Variants in PLEKHA6 observed in about 807,000 individuals in gnomAD.
PLEKHA6 encodes pleckstrin homology domain-containing family A member 6.
Under a neutral mutation model 116.7 loss-of-function variants are expected in PLEKHA6, and 60 were observed. That is an observed-to-expected ratio of 0.51 (90% CI 0.42 to 0.64). The LOEUF (loss-of-function observed/expected upper bound fraction) is 0.64. Among genes scored for constraint, PLEKHA6 ranks in the 30% least tolerant of loss-of-function variants. The pLI is 0.00. For synonymous variants in PLEKHA6, 489 were observed against 556.1 expected, an observed-to-expected ratio of 0.88 and a Z score of 1.70; for missense variants, 1,338 against 1,422.7, an observed-to-expected ratio of 0.94 and a Z score of 0.96.
At chr1:204,281,503 C>T (rs1393368484) in intron 1 of PLEKHA6, among the ~76,000 whole-genome samples, 1 of 151,664 alleles carries the variant, frequency 6.6e-6, no homozygotes, top group Non-Finnish European at 1.5e-5. Context: ...CCAGCCTGGG[C>T]AACAGACAGA....
chr1:204,362,403 T>A (rs1020455468), upstream of PLEKHA6, among the ~76,000 whole-genome samples: 1 of 152,026 alleles, frequency 6.6e-6, no homozygotes, highest in Non-Finnish European at 1.5e-5. Flanking sequence ...GAGGATCAAG[T>A]CCAAGCTTCC....
chr1:204,259,569 A>T lies in PLEKHA6; in HGVS notation c.696T>A (p.Pro232=). The change falls in exon 8 of 23, where the codon CCT becomes CCA. Residue 232 remains proline, a synonymous_variant. Coordinates refer to ENST00000272203, the MANE Select transcript of PLEKHA6 (RefSeq NM_014935.5). This position sits in a 1 kb window ranked among gnomAD's most constrained non-coding sequence, Gnocchi z 4.6. ...CTGGGAGGCCATTGGCTTTCACCGG[A>T]GGCTCTTTCTTGACTTCTGGCCTCT... ...RPERPEVKKE[P]PVKANGLPAG... 1.2e-6 allele frequency: 2 copies of T among 1,614,032 alleles called. No homozygotes were observed. The highest frequency in any genetic ancestry group is 1.7e-6 in the Non-Finnish European group (2 of 1,180,016).
intron 10 of PLEKHA6, 80 bp downstream of exon 10, chr1:204,250,466 T>A (rs1042898352): frequency 2.1e-6 from 2 of 939,146 alleles, no homozygotes; most frequent in African/African-American, 3.2e-5. Flanking sequence ...GGAAGAGAGA[T>A]GGATGGAGAG....
At chr1:204,372,067 T>A (rs1482782445) in intron 1 of PLEKHA6, among the ~76,000 whole-genome samples, 1 of 152,170 alleles carries the variant, frequency 6.6e-6, no homozygotes, top group Non-Finnish European at 1.5e-5. Context: ...GCTTCTCGAA[T>A]GGATAAGAAA....
intron 16 of PLEKHA6, 38 bp from the exon 17 acceptor site, chr1:204,241,519 A>T: frequency 6.8e-7 from 1 of 1,469,178 alleles, no homozygotes; most frequent in Non-Finnish European, 9.2e-7. Context: ...CCTCATGGAG[A>T]GCAGGAAGGC....
chr1:204,266,393 T>G (rs1666823021), intron 5 of PLEKHA6, among the ~76,000 whole-genome samples: 1 of 152,182 alleles, frequency 6.6e-6, no homozygotes, highest in Non-Finnish European at 1.5e-5. Flanking sequence ...TCCTTGAGGT[T>G]CTACCCCCAC....
chr1:204,328,027 A>G (rs1268361641), intron 1 of PLEKHA6, among the ~76,000 whole-genome samples: 1 of 151,568 alleles, frequency 6.6e-6, no homozygotes, highest in Non-Finnish European at 1.5e-5. Flanking sequence ...ATAAAAAGGA[A>G]AGAAGCTGCT....
intron 1 of PLEKHA6, among the ~76,000 whole-genome samples, chr1:204,344,664 T>G (rs10900581): frequency 0.87 from 132,000 of 151,278 alleles, 58,241 homozygotes; most frequent in East Asian, 0.95. Flanking sequence ...GTATAAAAGA[T>G]GTTCAGTGTT....
rs563687883 is a variant in PLEKHA6, at chr1:204,284,638, G to C, written c.-94-9829C>G. Among the ~76,000 whole-genome samples the C allele has an allele frequency of 2.0e-5, 3 of 152,078 alleles. No homozygotes were observed. In the South Asian group the frequency reaches 6.3e-4, roughly 32 times the overall value. ...ACGATCCTTTGTGAGCTCCCCTGAC[G>C]CCCCCGAGAGGAAGAGGGAGATCTG... On this transcript the variant is annotated intron_variant, in intron 1 of 22. Transcript: ENST00000272203.
At chr1:204,358,061 A>G (rs537299848) in intron 1 of PLEKHA6, among the ~76,000 whole-genome samples, 1 of 152,356 alleles carries the variant, frequency 6.6e-6, no homozygotes, top group East Asian at 1.9e-4. Flanking sequence ...CCAGCAAAAA[A>G]AAAGCAGGTG....
chr1:204,273,759 G>T lies in PLEKHA6; in HGVS notation c.-13-19C>A. 1 of 1,530,502 alleles carries T rather than the reference G, an allele frequency of 6.5e-7. No homozygotes were observed. 94.8% of individuals were successfully genotyped at this position (1,530,502 alleles called of 1,614,324 possible). ...GGTCGATCTGATTTCAAGTCGACCAGAGAAAAGAGATTGGTGAGATCCAAG... is the reference window on the plus strand; with the variant it reads ...GGTCGATCTGATTTCAAGTCGACCATAGAAAAGAGATTGGTGAGATCCAAG... On this transcript the variant is annotated intron_variant, in intron 2 of 22. Coordinates refer to ENST00000272203, the MANE Select transcript of PLEKHA6 (RefSeq NM_014935.5).
intron 5 of PLEKHA6, among the ~76,000 whole-genome samples, chr1:204,266,402 A>G (rs1666826120): frequency 6.6e-6 from 1 of 152,068 alleles, no homozygotes; most frequent in South Asian, 2.1e-4. Flanking sequence ...TTCTACCCCC[A>G]CTGCTTCCCA....
intron 1 of PLEKHA6, among the ~76,000 whole-genome samples, chr1:204,328,062 A>C (rs1255032783): frequency 3.1e-5 from 4 of 129,266 alleles, no homozygotes; most frequent in Non-Finnish European, 6.8e-5. Context: ...TTATTTATTT[A>C]TTTATTTATT....
At chr1:204,245,847 TACACACAC>T (rs58927549) in intron 13 of PLEKHA6, 121 bp from the exon 14 acceptor site, 49,850 of 512,838 alleles carry the variant, frequency 0.097, no homozygotes, top group East Asian at 0.18. Flanking sequence ...GCACCCTGTG[TACACACAC>T]ACACACACAC....
chr1:204,291,674 T>C (rs548481818), intron 1 of PLEKHA6, among the ~76,000 whole-genome samples: 1 of 152,360 alleles, frequency 6.6e-6, no homozygotes, highest in South Asian at 2.1e-4. Flanking sequence ...CCAGGCTTTC[T>C]TGAAATAAAA....
At chr1:204,256,920 G>T (rs1020383328) in intron 9 of PLEKHA6, 1 of 606,884 alleles carries the variant, frequency 1.6e-6, no homozygotes, top group Non-Finnish European at 3.0e-6. Context: ...GAGGTGAGGG[G>T]TCTGGCTGGG....
chr1:204,243,164 A>G, intron 15 of PLEKHA6: 1 of 399,306 alleles, frequency 2.5e-6, no homozygotes. Context: ...GAGCTGGGGT[A>G]GGGCCAGAAG....
intron 1 of PLEKHA6, among the ~76,000 whole-genome samples, chr1:204,326,158 C>T (rs1672236316): frequency 6.6e-6 from 1 of 152,188 alleles, no homozygotes; most frequent in South Asian, 2.1e-4. Context: ...CTGAGGGCAG[C>T]TCCAGTTCCA....
At chr1:204,268,159 T>C (rs1558106807) in intron 4 of PLEKHA6, 49 bp downstream of exon 4, 1 of 1,195,702 alleles carries the variant, frequency 8.4e-7, no homozygotes, top group Admixed American at 1.9e-5. Context: ...CCTTATTCTG[T>C]GAGGAGAAGG....
Sources: allele counts gnomAD v4.1 joint callset (sites outside exome capture counted in the v4.1 genomes callset), GRCh38; gene constraint gnomAD v4.1.1; non-coding constraint Gnocchi (gnomAD v3.1); transcripts MANE v1.5; gene names NCBI Gene and HGNC (gene_info 2026-07-23, HGNC 2026-07-21).